Variants in ZNF473 observed in about 807,000 individuals in gnomAD.
ZNF473 encodes the protein zinc finger protein 473, also known as zinc finger protein 100 homolog.
In ZNF473, 4 loss-of-function variants were observed where a neutral mutation model predicts 11.1. The observed-to-expected ratio is 0.36, with a 90% CI of 0.18 to 0.82. The LOEUF (loss-of-function observed/expected upper bound fraction) is 0.82, where lower values mean the gene tolerates loss of function less well. ZNF473 is among the 40% of genes least tolerant of loss of function. The pLI, the probability that ZNF473 is intolerant of heterozygous loss-of-function variation, is 0.49. For synonymous variants in ZNF473, 404 were observed against 390.4 expected (o/e 1.03, Z -0.41); for missense variants, 854 against 1,084.0 (o/e 0.79, Z 2.98).
At chr19:50,035,183 T>G (rs1386558292) in intron 2 of ZNF473, among the ~76,000 whole-genome samples, 2 of 151,960 alleles carry the variant, frequency 1.3e-5, no homozygotes, top group African/African-American at 4.8e-5. Context: ...TCCCAGCTAC[T>G]CAGGAGGCTG....
chr19:50,033,795 C>G (rs995029980), intron 2 of ZNF473, among the ~76,000 whole-genome samples: 2 of 152,128 alleles, frequency 1.3e-5, no homozygotes, highest in East Asian at 1.9e-4. Flanking sequence ...CCGCATCACT[C>G]TAATCTCTGC....
chr19:50,036,891 A>G (rs1262687483), intron 2 of ZNF473, among the ~76,000 whole-genome samples: 1 of 152,172 alleles, frequency 6.6e-6, no homozygotes, highest in African/African-American at 2.4e-5. Context: ...TCTTTTCTTT[A>G]TAAATTACCC....
intron 2 of ZNF473, among the ~76,000 whole-genome samples, chr19:50,037,612 A>G (rs543363686): frequency 6.6e-6 from 1 of 151,870 alleles, no homozygotes; most frequent in South Asian, 2.1e-4. Context: ...CTTGAGGCCA[A>G]GAGTTCGAGA....
At chr19:50,041,856 G>A in intron 4 of ZNF473, 37 bp downstream of exon 4, 1 of 1,543,286 alleles carries the variant, frequency 6.5e-7, no homozygotes, top group African/African-American at 1.4e-5. Flanking sequence ...TGTACCTTCT[G>A]TCTTCCAGAC....
At chr19:50,026,283 C>G (rs905813129) in intron 1 of ZNF473, 161 bp downstream of exon 1, 1 of 152,346 alleles carries the variant, frequency 6.6e-6, no homozygotes, top group Admixed American at 6.5e-5. Context: ...GAAAACCGCT[C>G]AAGGTCTGGG....
At chr19:50,041,629 G>A (rs1297355591) in intron 3 of ZNF473, 101 bp from the exon 4 acceptor site, 4 of 1,037,446 alleles carry the variant, frequency 3.9e-6, no homozygotes, top group African/African-American at 1.7e-5. Flanking sequence ...CCACGTGCAG[G>A]ATAAAGCATA....
At chr19:50,029,912 C>T (rs750360405) in intron 1 of ZNF473, among the ~76,000 whole-genome samples, 3 of 151,838 alleles carry the variant, frequency 2.0e-5, no homozygotes, top group Non-Finnish European at 4.4e-5. Flanking sequence ...AGTGCGGTGG[C>T]ACCATCTCGG....
intron 2 of ZNF473, among the ~76,000 whole-genome samples, chr19:50,033,649 G>A (rs1402270614): frequency 6.6e-6 from 1 of 152,108 alleles, no homozygotes; most frequent in African/African-American, 2.4e-5. Flanking sequence ...AGTTCTTCAG[G>A]TCTGAATCCC....
At chr19:50,029,483 C>T (rs1481660670) in intron 1 of ZNF473, among the ~76,000 whole-genome samples, 1 of 152,228 alleles carries the variant, frequency 6.6e-6, no homozygotes, top group African/African-American at 2.4e-5. Flanking sequence ...CATGTATATG[C>T]CATATCACCT....
chr19:50,045,909 G>A lies in ZNF473; in HGVS notation c.1466G>A (p.Cys489Tyr), dbSNP rs1240306183. The A allele has an allele frequency of 6.2e-7, 1 of 1,614,032 alleles. No individual in the cohort carries two copies. The highest frequency in any genetic ancestry group is 8.5e-7 in the Non-Finnish European group (1 of 1,180,040). ...AIHTAEKPYSCAECKETFSDN... is the reference protein window; with the variant it reads ...AIHTAEKPYSYAECKETFSDN... ...CACACCGCAGAAAAGCCCTATAGCT[G>A]TGCTGAATGCAAGGAGACTTTCAGC... The change falls in exon 5 of 5, where the codon TGT (cysteine) becomes TAT (tyrosine). Residue 489 changes from cysteine to tyrosine, a missense_variant. This residue lies in a region of ZNF473 where 668 missense variants were observed against 790.2 expected (regional missense o/e 0.85). Coordinates refer to ENST00000270617, the MANE Select transcript of ZNF473 (RefSeq NM_015428.4).
chr19:50,027,795 C>T (rs2077294671), intron 1 of ZNF473, among the ~76,000 whole-genome samples: 1 of 152,054 alleles, frequency 6.6e-6, no homozygotes, highest in Non-Finnish European at 1.5e-5. Context: ...TGAAGCGATT[C>T]TCCTGCCTCA....
At chr19:50,032,277 C>G (rs1171398717) in intron 2 of ZNF473, among the ~76,000 whole-genome samples, 1 of 151,080 alleles carries the variant, frequency 6.6e-6, no homozygotes, top group African/African-American at 2.4e-5. Flanking sequence ...GGCTGCTACT[C>G]TTGACAGGAT....
intron 1 of ZNF473, among the ~76,000 whole-genome samples, chr19:50,029,288 G>A (rs893283460): frequency 2.0e-5 from 3 of 152,058 alleles, no homozygotes; most frequent in Non-Finnish European, 2.9e-5. Context: ...GACTACAGGC[G>A]CCCACCACCA....
rs1350136631 is a variant in ZNF473 at position 50,039,234 on chromosome 19, G to T, written c.83G>T (p.Gly28Val). 1.2e-6 allele frequency: 2 copies of T among 1,614,188 alleles called. No individual in the cohort carries two copies. The highest frequency in any genetic ancestry group is 2.2e-5 in the South Asian group (2 of 91,082). The change falls in exon 3 of 5, where the codon GGG (glycine) becomes GTG (valine). Residue 28 changes from glycine to valine, a missense_variant. Coordinates refer to ENST00000270617, the MANE Select transcript of ZNF473 (RefSeq NM_015428.4). The surrounding 1 kb of genome is among the most constrained non-coding windows in gnomAD (Gnocchi z 4.8). ...GDWEQLGLEQGDTFWDTALDN... is the reference protein window; with the variant it reads ...GDWEQLGLEQVDTFWDTALDN... ...TGGGAGCAGCTCGGGCTGGAACAGGGGGACACGTTCTGGGACACAGCGTTG... is the reference window on the plus strand; with the variant it reads ...TGGGAGCAGCTCGGGCTGGAACAGGTGGACACGTTCTGGGACACAGCGTTG...
At position 50,044,662 on chromosome 19, in the gene ZNF473, T is replaced by C. The variant is rs1383034078; in HGVS notation, c.227-8T>C. Reference sequence around the variant, plus strand: ...GTGAACAGGAGACATTTGCACTTGCTCTTTCAGATGTGACTGAGACCAAGA... The same window carrying C: ...GTGAACAGGAGACATTTGCACTTGCCCTTTCAGATGTGACTGAGACCAAGA... On this transcript the variant is annotated splice_polypyrimidine_tract_variant and splice_region_variant and intron_variant, in intron 4 of 4. Transcript: ENST00000270617. 3 of 1,595,976 alleles carry C rather than the reference T, an allele frequency of 1.9e-6. No homozygotes were observed. The Admixed American group carries it at 5.2e-5, about 28-fold the overall frequency.
At position 50,039,299 on chromosome 19, in the gene ZNF473, C is replaced by T. The variant is rs534568575; in HGVS notation, c.136+12C>T. 7 of 1,613,820 alleles carry T rather than the reference C, an allele frequency of 4.3e-6. No homozygotes were observed. The South Asian group carries it at 4.4e-5, about 10-fold the overall frequency. ...CCTCTTCCTGCTGGGTGAGTGTTGC[C>T]TGTCCCCAGGGGCCTACTCACTGCC... On this transcript the variant is annotated intron_variant, in intron 3 of 4. Coordinates refer to ENST00000270617, the MANE Select transcript of ZNF473 (RefSeq NM_015428.4). The surrounding 1 kb of genome is among the most constrained non-coding windows in gnomAD (Gnocchi z 4.8).
rs1978653696 is a variant in ZNF473, at chr19:50,039,458, T to C, written c.136+171T>C. On this transcript the variant is annotated intron_variant, in intron 3 of 4. Coordinates refer to ENST00000270617, the MANE Select transcript of ZNF473 (RefSeq NM_015428.4). This position sits in a 1 kb window ranked among gnomAD's most constrained non-coding sequence, Gnocchi z 4.8. ...GACATTGGCAATGTGTGGAGACATTTTTGATTGTTACTCCTTGGGCCAGCG... is the reference window on the plus strand; with the variant it reads ...GACATTGGCAATGTGTGGAGACATTCTTGATTGTTACTCCTTGGGCCAGCG... Among the ~76,000 whole-genome samples the C allele has an allele frequency of 6.6e-6, 1 of 151,754 alleles. No individual in the cohort carries two copies. The highest frequency in any genetic ancestry group is 1.5e-5 in the Non-Finnish European group (1 of 68,036).
In ZNF473 at chr19:50,031,995, C is replaced by G. The variant is rs1187647658; in HGVS notation, c.9+904C>G. Reference sequence around the variant, plus strand: ...CAGTCCTACCTCCCTCGTGTCTCTCCGTCAGACCATGAGCTCCATGAGGCC... The same window carrying G: ...CAGTCCTACCTCCCTCGTGTCTCTCGGTCAGACCATGAGCTCCATGAGGCC... On this transcript the variant is annotated intron_variant, in intron 2 of 4. Coordinates refer to ENST00000270617, the MANE Select transcript of ZNF473 (RefSeq NM_015428.4). 2.0e-5 allele frequency among the ~76,000 whole-genome samples: 3 copies of G among 152,026 alleles called. No homozygotes were observed. The East Asian group carries it at 5.8e-4, about 29-fold the overall frequency.
chr19:50,045,835 C>T lies in ZNF473; in HGVS notation c.1392C>T (p.Cys464=), dbSNP rs140202862. Reference sequence around the variant, plus strand: ...ACAGACCCCACAAATGTCAGGAATGCGTCAGGAGTTTCAGCCGGCCCTCAC... The same window carrying T: ...ACAGACCCCACAAATGTCAGGAATGTGTCAGGAGTTTCAGCCGGCCCTCAC... ...TGYRPHKCQE[C]VRSFSRPSHL... Residue 464 remains cysteine, a synonymous_variant, in exon 5 of 5, where the codon TGC becomes TGT. Coordinates refer to ENST00000270617, the MANE Select transcript of ZNF473 (RefSeq NM_015428.4). The T allele has an allele frequency of 4.4e-4, 718 of 1,614,046 alleles. 5 individuals are homozygous for T. The East Asian group carries it at 0.013, about 29-fold the overall frequency.
Sources: gnomAD v4.1 joint callset for allele counts (sites outside exome capture counted in the v4.1 genomes callset) on GRCh38, gnomAD v4.1.1 for gene constraint, gnomAD v4.1.1 regional missense constraint, Gnocchi (gnomAD v3.1) non-coding constraint, MANE v1.5 for transcripts, NCBI Gene and HGNC (gene_info 2026-07-23, HGNC 2026-07-21) for gene names.